Variants in WDPCP observed in about 807,000 individuals in gnomAD.
The protein encoded by WDPCP is WD repeat containing planar cell polarity effector.
In WDPCP, 71 loss-of-function variants were observed where a neutral mutation model predicts 93.1. The observed-to-expected ratio is 0.76, with a 90% CI of 0.63 to 0.93. The LOEUF (loss-of-function observed/expected upper bound fraction) is 0.93, where lower values mean the gene tolerates loss of function less well. WDPCP is among the 40% of genes least tolerant of loss of function. The pLI, the probability that WDPCP is intolerant of heterozygous loss-of-function variation, is 0.00. For synonymous variants in WDPCP, 315 were observed against 315.0 expected, an observed-to-expected ratio of 1.00 and a Z score of 0.00; for missense variants, 844 against 887.4, an observed-to-expected ratio of 0.95 and a Z score of 0.62.
chr2:63,683,833 A>G (rs1326101914), intron 2 of WDPCP, among the ~76,000 whole-genome samples: 2 of 151,314 alleles, frequency 1.3e-5, no homozygotes, highest in Admixed American at 6.6e-5. Context: ...TGGGTGACAG[A>G]GTGAGACTCC....
chr2:63,834,812 G>T, the WDPCP span, among the ~76,000 whole-genome samples: 1 of 152,184 alleles, frequency 6.6e-6, no homozygotes, highest in South Asian at 2.1e-4. Context: ...TGGAGCTCCT[G>T]GATGGTGCAG....
At chr2:63,526,420 A>AT (rs902793557) in intron 1 of WDPCP, among the ~76,000 whole-genome samples, 4 of 152,166 alleles carry the variant, frequency 2.6e-5, no homozygotes, top group African/African-American at 7.2e-5. Flanking sequence ...TTGAAAAGGA[A>AT]TTTTTTAAAG....
intron 9 of WDPCP, among the ~76,000 whole-genome samples, chr2:63,413,519 C>T (rs1227869370): frequency 1.2e-4 from 18 of 152,064 alleles, no homozygotes; most frequent in Admixed American, 9.8e-4. Flanking sequence ...AAGATAAGGC[C>T]GGGCATGGTG....
chr2:63,497,402 G>A (rs533182188), intron 1 of WDPCP, among the ~76,000 whole-genome samples: 1 of 152,316 alleles, frequency 6.6e-6, no homozygotes, highest in South Asian at 2.1e-4. Context: ...CAAGATCTGT[G>A]TGATTAAGGA....
chr2:63,291,983 A>G (rs1216324034), intron 13 of WDPCP, among the ~76,000 whole-genome samples: 2 of 151,220 alleles, frequency 1.3e-5, no homozygotes, highest in Non-Finnish European at 3.0e-5. Context: ...AATACAAAAA[A>G]TTAGCCGGGC....
At chr2:63,191,233 A>T (rs936359728) in intron 14 of WDPCP, among the ~76,000 whole-genome samples, 1 of 152,054 alleles carries the variant, frequency 6.6e-6, no homozygotes, top group Non-Finnish European at 1.5e-5. Context: ...TCTACTAAAA[A>T]TTACAAATAT....
At chr2:63,152,846 T>G in intron 17 of WDPCP, 68 bp downstream of exon 17, 1 of 1,474,644 alleles carries the variant, frequency 6.8e-7, no homozygotes, top group Non-Finnish European at 9.5e-7. Flanking sequence ...GAGTTCAAAA[T>G]AATCACATAC....
At chr2:63,685,052 A>G (rs1668786855) in intron 2 of WDPCP, among the ~76,000 whole-genome samples, 1 of 152,200 alleles carries the variant, frequency 6.6e-6, no homozygotes, top group African/African-American at 2.4e-5. Flanking sequence ...AATGCATCAT[A>G]AAGAACTAGA....
chr2:63,767,240 T>C (rs1041963048), intron 2 of WDPCP, among the ~76,000 whole-genome samples: 1 of 152,196 alleles, frequency 6.6e-6, no homozygotes, highest in Non-Finnish European at 1.5e-5. Flanking sequence ...TGCTTATTCA[T>C]TCATTGTACA....
Position 63,795,439 on chromosome 2 carries a change from G to A in WDPCP, n.308+18183C>T, listed in dbSNP as rs530955126. The stretch of plus-strand genomic sequence containing the variant: ...CCAGCTACTTGAGAGGGTGAGGCAG[G>A]AGGATCACATGAGCCAAGGAGTTTG... On this transcript the variant is annotated intron_variant and non_coding_transcript_variant, in intron 2 of 4. Coordinates refer to the WDPCP transcript ENST00000467687. 5.3e-5 allele frequency among the ~76,000 whole-genome samples: 8 copies of A among 151,710 alleles called. No individual in the cohort carries two copies. In the South Asian group the frequency reaches 1.3e-3, roughly 24 times the overall value.
chr2:63,788,950 C>T (rs1670507205), intron 2 of WDPCP, among the ~76,000 whole-genome samples: 1 of 152,170 alleles, frequency 6.6e-6, no homozygotes, highest in Non-Finnish European at 1.5e-5. Flanking sequence ...CCTCACTATG[C>T]TGCCCAGGTT....
chr2:63,840,816 G>C, the WDPCP span: 1 of 152,656 alleles, frequency 6.6e-6, no homozygotes, highest in African/African-American at 2.4e-5. Context: ...CGGTATCCCC[G>C]CGTACTGCTC....
chr2:63,836,126 A>C, the WDPCP span, among the ~76,000 whole-genome samples: 1 of 152,242 alleles, frequency 6.6e-6, no homozygotes, highest in African/African-American at 2.4e-5. Flanking sequence ...AAGTGCTGGA[A>C]TTACAGCTGT....
intron 3 of WDPCP, among the ~76,000 whole-genome samples, chr2:63,602,878 C>A (rs1441246583): frequency 6.6e-6 from 1 of 150,826 alleles, no homozygotes; most frequent in Non-Finnish European, 1.5e-5. Context: ...TTTCCACTTA[C>A]CCCTTTTATT....
intron 2 of WDPCP, among the ~76,000 whole-genome samples, chr2:63,714,055 CTTTT>C (rs747120283): frequency 2.2e-5 from 3 of 135,082 alleles, no homozygotes; most frequent in African/African-American, 2.7e-5. Context: ...CTTTTTTATT[CTTTT>C]TTTTTTTTTT....
intron 2 of WDPCP, among the ~76,000 whole-genome samples, chr2:63,672,712 C>CTTTTAT (rs927933697): frequency 8.8e-6 from 1 of 113,152 alleles, no homozygotes; most frequent in African/African-American, 3.7e-5. Flanking sequence ...TCACTGAAGC[C>CTTTTAT]TTTATTTTAT....
intron 12 of WDPCP, among the ~76,000 whole-genome samples, chr2:63,319,635 C>T (rs764202780): frequency 5.9e-5 from 9 of 152,026 alleles, no homozygotes; most frequent in African/African-American, 1.7e-4. Flanking sequence ...CCCACTACCG[C>T]GCCTGGCTAA....
intron 2 of WDPCP, among the ~76,000 whole-genome samples, chr2:63,764,552 A>C (rs1670110616): frequency 6.6e-6 from 1 of 152,220 alleles, no homozygotes; most frequent in African/African-American, 2.4e-5. Context: ...AACACCACGC[A>C]AAGAGTAGAT....
intron 9 of WDPCP, among the ~76,000 whole-genome samples, chr2:63,411,138 A>G (rs1182741401): frequency 6.6e-6 from 1 of 152,192 alleles, no homozygotes; most frequent in Non-Finnish European, 1.5e-5. Flanking sequence ...ATGATAGTCC[A>G]TAAAATGAAC....
Sources: allele counts gnomAD v4.1 joint callset (sites outside exome capture counted in the v4.1 genomes callset), GRCh38; gene constraint gnomAD v4.1.1; transcripts MANE v1.5; gene names NCBI Gene and HGNC (gene_info 2026-07-23, HGNC 2026-07-21).